Variants in GCLM observed in about 807,000 individuals in gnomAD.
GCLM encodes the protein glutamate-cysteine ligase modifier subunit.
GCLM carries 15 observed loss-of-function variants against 36.0 expected under a neutral mutation model. That is an observed-to-expected ratio of 0.42 (90% CI 0.28 to 0.64). The LOEUF is 0.64. Ranked by LOEUF, GCLM falls within the 30% of genes least tolerant of loss-of-function variation. GCLM has a pLI of 0.25. For missense variants in GCLM, 242 were observed against 325.5 expected (o/e 0.74, Z 1.97); for synonymous variants, 129 against 122.8 (o/e 1.05, Z -0.34).
At chr1:93,900,192 A>G (rs544195396) in intron 3 of GCLM, among the ~76,000 whole-genome samples, 1 of 151,926 alleles carries the variant, frequency 6.6e-6, no homozygotes, top group Non-Finnish European at 1.5e-5. Context: ...TTTAGCCCCT[A>G]TAACTCTATG....
Position 93,896,613 on chromosome 1 carries a change from C to T in GCLM, c.540+5G>A. Reference sequence around the variant, plus strand: ...TGGAGTGCTCATGATCCTGCCATCCCTCACCTGTGCCCACTGATACAGCTG... The same window carrying T: ...TGGAGTGCTCATGATCCTGCCATCCTTCACCTGTGCCCACTGATACAGCTG... On this transcript the variant is annotated splice_donor_5th_base_variant and intron_variant, in intron 5 of 6. Transcript: ENST00000370238. 1 of 1,610,456 alleles carries T rather than the reference C, an allele frequency of 6.2e-7. No individual in the cohort carries two copies. The highest frequency in any genetic ancestry group is 8.5e-7 in the Non-Finnish European group (1 of 1,176,640).
rs1403935280 is a variant in GCLM at position 93,908,397 on chromosome 1, TTC to T, written c.126+639_126+640del. ...ACATATTTATGGGGCACATGTGATATTCTGTTACATGCATAGAATGTACAATG... is the reference window on the plus strand; with the variant it reads ...ACATATTTATGGGGCACATGTGATATTGTTACATGCATAGAATGTACAATG... On this transcript the variant is annotated intron_variant, in intron 1 of 6. Transcript: ENST00000370238. Among the ~76,000 whole-genome samples, 6 of 152,246 alleles carry T rather than the reference TTC, an allele frequency of 3.9e-5. No individual in the cohort carries two copies. In the South Asian group the frequency reaches 1.0e-3, roughly 26 times the overall value.
In GCLM at chr1:93,896,601, A is replaced by T. The variant is rs775019592; in HGVS notation, c.540+17T>A. 9 of 1,602,348 alleles carry T rather than the reference A, an allele frequency of 5.6e-6. No individual in the cohort carries two copies. In the Admixed American group the frequency reaches 6.7e-5, roughly 12 times the overall value. The stretch of plus-strand genomic sequence containing the variant: ...GCAAGTTCTTCCTGGAGTGCTCATG[A>T]TCCTGCCATCCCTCACCTGTGCCCA... On this transcript the variant is annotated intron_variant, in intron 5 of 6. Transcript: ENST00000370238.
intron 6 of GCLM, among the ~76,000 whole-genome samples, chr1:93,891,287 T>A (rs1656525987): frequency 6.6e-6 from 1 of 152,078 alleles, no homozygotes; most frequent in South Asian, 2.1e-4. Context: ...TGGCCTCACC[T>A]CCTTGCTGTA....
chr1:93,909,011 C>T (rs1402578337), intron 1 of GCLM, 27 bp downstream of exon 1: 6 of 1,433,394 alleles, frequency 4.2e-6, no homozygotes, highest in Non-Finnish European at 4.6e-6. Context: ...GCCCCGGGAG[C>T]CCCGCGGCGA....
intron 5 of GCLM, among the ~76,000 whole-genome samples, chr1:93,895,298 G>A (rs17882054): frequency 2.9e-3 from 435 of 152,120 alleles, no homozygotes; most frequent in African/African-American, 0.01. Context: ...TTACAGGCAT[G>A]AGCCACCATG....
chr1:93,895,687 AAGG>A (rs1656700403), intron 5 of GCLM, among the ~76,000 whole-genome samples: 1 of 152,184 alleles, frequency 6.6e-6, no homozygotes, highest in African/African-American at 2.4e-5. Flanking sequence ...AAGCTCTGAA[AAGG>A]AGAAGGCTGA....
Position 93,896,740 on chromosome 1 carries a change from A to G in GCLM, c.418T>C (p.Leu140=). 1 of 1,611,416 alleles carries G rather than the reference A, an allele frequency of 6.2e-7. No homozygotes were observed. The highest frequency in any genetic ancestry group is 8.5e-7 in the Non-Finnish European group (1 of 1,177,460). Residue 140 remains leucine (L), a synonymous_variant, in exon 5 of 7, where the codon TTG becomes CTG. Coordinates refer to ENST00000370238, the MANE Select transcript of GCLM (RefSeq NM_002061.4). ...PPIEDGVNLS[L]EHLQPYWEEL... ...TCCCAGTAAGGCTGTAAATGCTCCA[A>G]GGAAAGATTAACTCCATCTTCAATA...
chr1:93,908,748 G>A, intron 1 of GCLM: 1 of 235,020 alleles, frequency 4.3e-6, no homozygotes, highest in Non-Finnish European at 8.3e-6. Flanking sequence ...GTGCCAGGAA[G>A]AGGGACCCAG....
intron 2 of GCLM, among the ~76,000 whole-genome samples, chr1:93,902,345 A>AT (rs2100922865): frequency 6.6e-6 from 1 of 151,712 alleles, no homozygotes; most frequent in African/African-American, 2.4e-5. Context: ...CGCCTGACTA[A>AT]TTTTTTGTAT....
intron 6 of GCLM, among the ~76,000 whole-genome samples, chr1:93,894,150 C>T (rs1205226899): frequency 2.0e-5 from 3 of 151,644 alleles, no homozygotes; most frequent in African/African-American, 7.3e-5. Context: ...CCCAGCTACT[C>T]GGAAGGCTGA....
At chr1:93,908,466 T>C (rs774198432) in intron 1 of GCLM, among the ~76,000 whole-genome samples, 29 of 152,174 alleles carry the variant, frequency 1.9e-4, no homozygotes, top group African/African-American at 4.8e-4. Flanking sequence ...AAAGCATACA[T>C]AGACGCACAG....
At position 93,901,591 on chromosome 1, in the gene GCLM, C is replaced by A. The variant is rs745669935; in HGVS notation, c.271G>T (p.Val91Phe). ...INPDEREEMK[V>F]SAKLFIVESN... ...AGAAAAGACTGGACTTTACCAGAAA[C>A]TTTCATTTCTTCTCTTTCATCAGGA... Residue 91 changes from valine to phenylalanine, a missense_variant, in exon 3 of 7, where the codon GTT (valine) becomes TTT (phenylalanine). Physicochemically the swap from Val to Phe is conservative, Grantham distance 50. Coordinates refer to ENST00000370238, the MANE Select transcript of GCLM (RefSeq NM_002061.4). The A allele has an allele frequency of 6.6e-7, 1 of 1,525,534 alleles. No individual in the cohort carries two copies. The highest frequency in any genetic ancestry group is 1.4e-5 in the African/African-American group (1 of 72,942). 94.5% of individuals were successfully genotyped at this position (1,525,534 alleles called of 1,614,324 possible).
chr1:93,897,956 G>T, intron 3 of GCLM, 58 bp from the exon 4 acceptor site: 1 of 851,646 alleles, frequency 1.2e-6, no homozygotes, highest in Non-Finnish European at 1.8e-6. Context: ...TTCACTATAT[G>T]CTAGTATTAA....
chr1:93,889,994 C>G (rs17886976), intron 6 of GCLM, among the ~76,000 whole-genome samples: 2,851 of 151,712 alleles, frequency 0.019, 40 homozygotes, highest in Non-Finnish European at 0.019. Flanking sequence ...CCACTGCAAC[C>G]TCCACCTCCC....
At chr1:93,905,173 CA>C (rs921621833) in intron 1 of GCLM, among the ~76,000 whole-genome samples, 8,631 of 68,320 alleles carry the variant, frequency 0.13, 508 homozygotes, top group African/African-American at 0.29. Flanking sequence ...ACTCTATTTC[CA>C]AAAAAAAAAA....
chr1:93,889,826 T>C (rs17882045), intron 6 of GCLM, among the ~76,000 whole-genome samples: 1,910 of 151,576 alleles, frequency 0.013, 36 homozygotes, highest in African/African-American at 0.044. Context: ...TATTTCCTTA[T>C]TATTGGTCAA....
intron 2 of GCLM, among the ~76,000 whole-genome samples, chr1:93,903,320 TA>T (rs1263338632): frequency 2.0e-5 from 3 of 151,650 alleles, no homozygotes; most frequent in Non-Finnish European, 4.4e-5. Context: ...TTATTATTAT[TA>T]TTTTTTTGAG....
At chr1:93,890,143 C>T (rs1397464539) in intron 6 of GCLM, among the ~76,000 whole-genome samples, 4 of 152,010 alleles carry the variant, frequency 2.6e-5, no homozygotes, top group Admixed American at 1.3e-4. Context: ...CTCCTGACCT[C>T]AGGTGATCCA....
Sources: gnomAD v4.1 joint callset for allele counts (sites outside exome capture counted in the v4.1 genomes callset) on GRCh38, gnomAD v4.1.1 for gene constraint, MANE v1.5 for transcripts, NCBI Gene and HGNC (gene_info 2026-07-23, HGNC 2026-07-21) for gene names.